The following MCOLN2 variants were observed in gnomAD, a reference collection of about 807,000 sequenced individuals.
MCOLN2 encodes mucolipin-2.
A neutral mutation model predicts 67.5 loss-of-function variants in MCOLN2; 57 were observed. That is an observed-to-expected ratio of 0.84 (90% CI 0.68 to 1.05). The LOEUF (loss-of-function observed/expected upper bound fraction) is 1.05, where lower values mean the gene tolerates loss of function less well. MCOLN2 is among the 50% of genes least tolerant of loss of function. The pLI is 0.00. For synonymous variants in MCOLN2, 246 were observed against 233.3 expected (o/e 1.05, Z -0.50); for missense variants, 620 against 678.8 (o/e 0.91, Z 0.96).
In MCOLN2 at chr1:84,958,713, A is replaced by C; in HGVS notation, c.238-11T>G. ...ACCAAAACGAACAAGCTAAAAAATA[A>C]AATAAAATAGAAACACATGAATTAC... On this transcript the variant is annotated splice_polypyrimidine_tract_variant and intron_variant, in intron 2 of 13. Coordinates refer to ENST00000370608, the MANE Select transcript of MCOLN2 (RefSeq NM_153259.4). 6.4e-7 allele frequency: 1 copy of C among 1,561,452 alleles called. No individual in the cohort carries two copies. Among genetic ancestry groups the C allele is most frequent in the East Asian group, 2.3e-5 (1 of 43,898 alleles).
intron 1 of MCOLN2, among the ~76,000 whole-genome samples, chr1:84,980,580 G>A (rs7537383): frequency 0.65 from 98,755 of 152,036 alleles, 32,366 homozygotes; most frequent in Admixed American, 0.71. Flanking sequence ...TGGGGAAAAG[G>A]CAGTCTCTTA....
chr1:84,958,661 G>A lies in MCOLN2; in HGVS notation c.279C>T (p.Phe93=). The A allele has an allele frequency of 6.3e-7, 1 of 1,595,768 alleles. No individual in the cohort carries two copies. The change falls in exon 3 of 14, where the codon TTC becomes TTT. Residue 93 remains phenylalanine (F), a synonymous_variant. Transcript: ENST00000370608. ...FGLSNQLVVA[F]KEDNTVAFKH... ...TAAAAGCAACAGTGTTATCTTCTTT[G>A]AAAGCAACCACCAGCTGGTTACTTA...
At chr1:84,930,347 A>G (rs1039430704) in intron 12 of MCOLN2, among the ~76,000 whole-genome samples, 10 of 152,048 alleles carry the variant, frequency 6.6e-5, no homozygotes, top group Non-Finnish European at 8.8e-5. Flanking sequence ...CACATTGGCA[A>G]TGTAGACTCT....
intron 1 of MCOLN2, among the ~76,000 whole-genome samples, chr1:84,986,426 C>T (rs938360871): frequency 2.6e-5 from 4 of 151,760 alleles, no homozygotes; most frequent in African/African-American, 9.7e-5. Context: ...GCCTATAATC[C>T]CAGCTACTAG....
chr1:84,927,023 C>G (rs1421871883), intron 13 of MCOLN2, among the ~76,000 whole-genome samples: 1 of 150,026 alleles, frequency 6.7e-6, no homozygotes, highest in East Asian at 2.0e-4. Context: ...AGGGGAACAT[C>G]GCACACGGGG....
At chr1:84,929,801 G>T in intron 12 of MCOLN2, 122 bp from the exon 13 acceptor site, 1 of 869,962 alleles carries the variant, frequency 1.1e-6, no homozygotes. Context: ...TCAGATCCAA[G>T]AACTGATATT....
chr1:84,940,433 A>G (rs1338784271), intron 8 of MCOLN2, among the ~76,000 whole-genome samples: 1 of 152,194 alleles, frequency 6.6e-6, no homozygotes, highest in African/African-American at 2.4e-5. Flanking sequence ...GAGAATTTTA[A>G]AACTATTTTA....
intron 1 of MCOLN2, among the ~76,000 whole-genome samples, chr1:84,991,371 C>T (rs774984270): frequency 4.1e-4 from 63 of 152,246 alleles, no homozygotes; most frequent in African/African-American, 1.4e-3. Flanking sequence ...CATTTTTTCA[C>T]TCCAATTCCT....
chr1:84,930,100 A>G (rs1661338489), intron 12 of MCOLN2, among the ~76,000 whole-genome samples: 1 of 151,908 alleles, frequency 6.6e-6, no homozygotes, highest in African/African-American at 2.4e-5. Flanking sequence ...CCATCTCTAC[A>G]AAAAATACAA....
rs760486088 is a variant in MCOLN2, at chr1:84,958,707, A to C, written c.238-5T>G. ...ACTTAAACCAAAACGAACAAGCTAAAAAATAAAATAAAATAGAAACACATG... is the reference window on the plus strand; with the variant it reads ...ACTTAAACCAAAACGAACAAGCTAACAAATAAAATAAAATAGAAACACATG... On this transcript the variant is annotated splice_region_variant and splice_polypyrimidine_tract_variant and intron_variant, in intron 2 of 13. Coordinates refer to ENST00000370608, the MANE Select transcript of MCOLN2 (RefSeq NM_153259.4). 6.4e-7 allele frequency: 1 copy of C among 1,558,766 alleles called. No individual in the cohort carries two copies. Among genetic ancestry groups the C allele is most frequent in the South Asian group, 1.2e-5 (1 of 82,626 alleles).
At chr1:84,944,171 A>G (rs1211552328) in intron 7 of MCOLN2, among the ~76,000 whole-genome samples, 1 of 152,164 alleles carries the variant, frequency 6.6e-6, no homozygotes, top group African/African-American at 2.4e-5. Context: ...AACAGAATCC[A>G]GTATAGGATT....
intron 6 of MCOLN2, among the ~76,000 whole-genome samples, chr1:84,948,387 A>G (rs1325399293): frequency 6.6e-6 from 1 of 152,210 alleles, no homozygotes; most frequent in African/African-American, 2.4e-5. Flanking sequence ...GTCTGCCCAG[A>G]ACCAAAGCCA....
intron 13 of MCOLN2, among the ~76,000 whole-genome samples, chr1:84,927,380 T>C (rs975138398): frequency 1.3e-5 from 2 of 152,170 alleles, no homozygotes; most frequent in Non-Finnish European, 2.9e-5. Flanking sequence ...AGGTTAACTC[T>C]GCATCTGTTC....
In MCOLN2 at chr1:84,972,349, T is replaced by C. The variant is rs663843; in HGVS notation, c.78-6641A>G. 1.7e-3 allele frequency among the ~76,000 whole-genome samples: 262 copies of C among 152,186 alleles called. 2 individuals are homozygous for C. Among genetic ancestry groups the C allele is most frequent in the African/African-American group, 6.1e-3 (254 of 41,524 alleles). On this transcript the variant is annotated intron_variant, in intron 1 of 13. Coordinates refer to ENST00000370608, the MANE Select transcript of MCOLN2 (RefSeq NM_153259.4). ...GAATTATTTATGTTTCATTAACCCATAGGAAATGCATGATCTGGATTTTTA... is the reference window on the plus strand; with the variant it reads ...GAATTATTTATGTTTCATTAACCCACAGGAAATGCATGATCTGGATTTTTA...
At chr1:84,963,614 T>C (rs1422409225) in intron 2 of MCOLN2, among the ~76,000 whole-genome samples, 1 of 152,122 alleles carries the variant, frequency 6.6e-6, no homozygotes, top group Non-Finnish European at 1.5e-5. Flanking sequence ...AACTCCCCCT[T>C]GCTGTTCTCA....
At chr1:84,988,729 T>C (rs998658023) in intron 1 of MCOLN2, among the ~76,000 whole-genome samples, 3 of 152,172 alleles carry the variant, frequency 2.0e-5, no homozygotes, top group Non-Finnish European at 1.5e-5. Context: ...CACTTCTTTG[T>C]TGAAAACCCT....
chr1:84,971,879 C>A (rs1285429563), intron 1 of MCOLN2: 1 of 151,928 alleles, frequency 6.6e-6, no homozygotes, highest in Non-Finnish European at 1.5e-5. Context: ...CTGGCCAACA[C>A]GGCGAAACCC....
At chr1:84,984,330 G>A (rs1650400498) in intron 1 of MCOLN2, among the ~76,000 whole-genome samples, 1 of 152,106 alleles carries the variant, frequency 6.6e-6, no homozygotes, top group African/African-American at 2.4e-5. Context: ...GAATCTGACA[G>A]CACCCTTAAA....
intron 7 of MCOLN2, among the ~76,000 whole-genome samples, chr1:84,945,867 C>G (rs1257191235): frequency 6.6e-6 from 1 of 152,184 alleles, no homozygotes; most frequent in Non-Finnish European, 1.5e-5. Context: ...CTGCCTCAGC[C>G]TCCCAAGTAG....
Sources: gnomAD v4.1 joint callset for allele counts (sites outside exome capture counted in the v4.1 genomes callset) on GRCh38, gnomAD v4.1.1 for gene constraint, MANE v1.5 for transcripts, NCBI Gene and HGNC (gene_info 2026-07-23, HGNC 2026-07-21) for gene names.